SYN3: variants seen among roughly 807,000 people sequenced by gnomAD.
The protein encoded by SYN3 is synapsin-3.
Under a neutral mutation model 65.8 loss-of-function variants are expected in SYN3, and 35 were observed. That is an observed-to-expected ratio of 0.53 (90% CI 0.41 to 0.70). The LOEUF (loss-of-function observed/expected upper bound fraction) is 0.70, where lower values mean the gene tolerates loss of function less well. Among genes scored for constraint, SYN3 ranks in the 30% least tolerant of loss-of-function variants. The probability of loss-of-function intolerance (pLI) is 0.00; values close to 1 mark genes in which losing one functional copy is unlikely to be tolerated. For missense variants in SYN3, 680 were observed against 749.0 expected, an observed-to-expected ratio of 0.91 and a Z score of 1.08; for synonymous variants, 270 against 292.9, an observed-to-expected ratio of 0.92 and a Z score of 0.80.
intron 1 of SYN3, among the ~76,000 whole-genome samples, chr22:33,042,340 T>C (rs1286660996): frequency 1.3e-5 from 2 of 152,224 alleles, no homozygotes; most frequent in African/African-American, 4.8e-5. Context: ...CAGACCCACC[T>C]GTCTACAGCA....
At chr22:33,037,839 G>A (rs1030991063) in intron 1 of SYN3, among the ~76,000 whole-genome samples, 1 of 152,116 alleles carries the variant, frequency 6.6e-6, no homozygotes, top group African/African-American at 2.4e-5. Context: ...GCAAGAGGCT[G>A]AGAAAATGCT....
rs761387900 is a variant in SYN3 at position 32,541,643 on chromosome 22, G to C, written c.845C>G (p.Thr282Ser). 4 of 1,614,056 alleles carry C rather than the reference G, an allele frequency of 2.5e-6. No homozygotes were observed. The highest frequency in any genetic ancestry group is 3.4e-6 in the Non-Finnish European group (4 of 1,180,044). ...CTTGGAGTCGATGAAGGCCTCGGTG[G>C]TGGCGTAGGTTTTGGCCATGGCGAC... ...SVVAMAKTYATTEAFIDSKYD... is the reference protein window; with the variant it reads ...SVVAMAKTYASTEAFIDSKYD... The change falls in exon 8 of 14, where the codon ACC becomes AGC. Residue 282 changes from threonine to serine, a missense_variant. Coordinates refer to ENST00000358763, the MANE Select transcript of SYN3 (RefSeq NM_003490.4).
chr22:32,883,283 C>G (rs1439566066), intron 4 of SYN3, among the ~76,000 whole-genome samples: 1 of 152,220 alleles, frequency 6.6e-6, no homozygotes, highest in African/African-American at 2.4e-5. Context: ...ATGCTTCCAG[C>G]TGCACCCTCC....
chr22:32,799,784 A>C (rs2046518570), intron 6 of SYN3, among the ~76,000 whole-genome samples: 1 of 152,124 alleles, frequency 6.6e-6, no homozygotes, highest in Admixed American at 6.5e-5. Context: ...GGCCACACCC[A>C]TGCTCTCCAG....
intron 6 of SYN3, among the ~76,000 whole-genome samples, chr22:32,707,452 G>A (rs996089142): frequency 6.6e-6 from 1 of 152,162 alleles, no homozygotes; most frequent in African/African-American, 2.4e-5. Context: ...TCTTTGCTTG[G>A]ATACTCAGGG....
chr22:32,567,111 C>T (rs1374171861), intron 7 of SYN3, among the ~76,000 whole-genome samples: 1 of 152,102 alleles, frequency 6.6e-6, no homozygotes, highest in Non-Finnish European at 1.5e-5. Flanking sequence ...GGAAAGGTAA[C>T]TGACTAGGGA....
chr22:32,957,634 G>C (rs1008175424), intron 3 of SYN3, among the ~76,000 whole-genome samples: 5 of 152,202 alleles, frequency 3.3e-5, no homozygotes, highest in Non-Finnish European at 7.3e-5. Flanking sequence ...CTCTTCCCGA[G>C]GTTGATTTGC....
At chr22:32,980,619 G>T in intron 3 of SYN3, 26 bp downstream of exon 3, 7 of 1,611,894 alleles carry the variant, frequency 4.3e-6, no homozygotes, top group Middle Eastern at 3.3e-4. Flanking sequence ...TCAGTTGACA[G>T]TGCTAAAGAC....
intron 7 of SYN3, among the ~76,000 whole-genome samples, chr22:32,562,785 C>T (rs2058605351): frequency 6.6e-6 from 1 of 152,262 alleles, no homozygotes; most frequent in East Asian, 1.9e-4. Context: ...CTTATATGGA[C>T]ATTTCATTGC....
chr22:33,019,079 CAG>C (rs559776483), intron 1 of SYN3, among the ~76,000 whole-genome samples: 9 of 152,188 alleles, frequency 5.9e-5, no homozygotes, highest in African/African-American at 2.2e-4. Flanking sequence ...TTCCACAGAG[CAG>C]AGAGAGCTTT....
At chr22:32,995,366 C>T (rs1350687804) in intron 2 of SYN3, among the ~76,000 whole-genome samples, 1 of 152,210 alleles carries the variant, frequency 6.6e-6, no homozygotes, top group East Asian at 1.9e-4. Flanking sequence ...ATGAACAATA[C>T]ATCATTTTGT....
At chr22:32,600,966 C>T (rs1157292544) in intron 6 of SYN3, among the ~76,000 whole-genome samples, 5 of 152,164 alleles carry the variant, frequency 3.3e-5, no homozygotes, top group Non-Finnish European at 7.3e-5. Context: ...GGATAACAGG[C>T]GTGAGCCACC....
chr22:33,014,306 T>A (rs2053418338), intron 1 of SYN3: 1 of 152,212 alleles, frequency 6.6e-6, no homozygotes, highest in African/African-American at 2.4e-5. Flanking sequence ...GCACCTAGGT[T>A]AGTTCCATAT....
chr22:32,943,038 G>C (rs1435165048), intron 3 of SYN3, among the ~76,000 whole-genome samples: 1 of 152,202 alleles, frequency 6.6e-6, no homozygotes, highest in Non-Finnish European at 1.5e-5. Context: ...TATTATCCAG[G>C]AGAACTTCCC....
At chr22:32,782,468 T>C (rs995596504) in intron 6 of SYN3, among the ~76,000 whole-genome samples, 1 of 151,870 alleles carries the variant, frequency 6.6e-6, no homozygotes, top group Non-Finnish European at 1.5e-5. Context: ...TCCCAAGGTG[T>C]TGGGATTACA....
intron 4 of SYN3, among the ~76,000 whole-genome samples, chr22:32,869,374 C>A (rs1035944738): frequency 6.6e-6 from 1 of 151,726 alleles, no homozygotes; most frequent in Non-Finnish European, 1.5e-5. Context: ...CTCTCACAGG[C>A]TCTTTCCTAA....
At chr22:32,521,337 T>C (rs1421930899) in intron 12 of SYN3, among the ~76,000 whole-genome samples, 2 of 152,032 alleles carry the variant, frequency 1.3e-5, no homozygotes, top group Non-Finnish European at 2.9e-5. Context: ...CCGCTGTTAG[T>C]AACGCCAGGG....
intron 6 of SYN3, among the ~76,000 whole-genome samples, chr22:32,779,568 G>A (rs1013229853): frequency 3.3e-5 from 5 of 152,076 alleles, no homozygotes; most frequent in Admixed American, 6.5e-5. Flanking sequence ...TTTAATCTTC[G>A]CTGCAACTCT....
At chr22:32,990,395 T>TCCACCCATCCAG (rs771650443) in intron 2 of SYN3, among the ~76,000 whole-genome samples, 2,441 of 102,034 alleles carry the variant, frequency 0.024, 31 homozygotes, top group Middle Eastern at 0.037. Flanking sequence ...CACCCATCCA[T>TCCACCCATCCAG]CCATCCATCC....
Sources: allele counts gnomAD v4.1 joint callset (sites outside exome capture counted in the v4.1 genomes callset), GRCh38; gene constraint gnomAD v4.1.1; transcripts MANE v1.5; gene names NCBI Gene and HGNC (gene_info 2026-07-23, HGNC 2026-07-21).